Variants in PID1 observed in about 807,000 individuals in gnomAD.
PID1 encodes the protein phosphotyrosine interaction domain containing 1.
In PID1, 10 loss-of-function variants were observed where a neutral mutation model predicts 19.1. The observed-to-expected ratio is 0.52, with a 90% CI of 0.32 to 0.89. PID1 has a LOEUF of 0.89. Among genes scored for constraint, PID1 ranks in the 40% least tolerant of loss-of-function variants. The pLI, the probability that PID1 is intolerant of heterozygous loss-of-function variation, is 0.03. For missense variants in PID1, 248 were observed against 285.3 expected, an observed-to-expected ratio of 0.87 and a Z score of 0.94; for synonymous variants, 130 against 116.0, an observed-to-expected ratio of 1.12 and a Z score of -0.78.
At chr2:229,233,698 G>A (rs1452509343) in intron 1 of PID1, among the ~76,000 whole-genome samples, 1 of 151,998 alleles carries the variant, frequency 6.6e-6, no homozygotes, top group Non-Finnish European at 1.5e-5. Flanking sequence ...CACCATGTTG[G>A]CCAGGTTGGT....
intron 1 of PID1, among the ~76,000 whole-genome samples, chr2:229,269,056 T>C (rs1690666972): frequency 2.0e-5 from 3 of 152,196 alleles, no homozygotes; most frequent in African/African-American, 7.2e-5. Context: ...ACTTCTCTAA[T>C]CTCAAGGCTT....
chr2:229,155,242 G>C (rs964292516), intron 2 of PID1, among the ~76,000 whole-genome samples: 1 of 152,090 alleles, frequency 6.6e-6, no homozygotes, highest in African/African-American at 2.4e-5. Context: ...AAATCACAGA[G>C]AGAATACAAT....
At chr2:229,245,394 A>T (rs1689974483) in intron 1 of PID1, among the ~76,000 whole-genome samples, 1 of 152,130 alleles carries the variant, frequency 6.6e-6, no homozygotes, top group Non-Finnish European at 1.5e-5. Flanking sequence ...TGAAAAAGGC[A>T]ACTTGTATTG....
In PID1 at chr2:229,067,870, C is replaced by T. The variant is rs1411811579; in HGVS notation, c.178-41762G>A. Among the ~76,000 whole-genome samples, 4 of 152,210 alleles carry T rather than the reference C, an allele frequency of 2.6e-5. No individual in the cohort carries two copies. The East Asian group carries it at 7.7e-4, about 29-fold the overall frequency. On this transcript the variant is annotated intron_variant, in intron 2 of 2. Transcript: ENST00000392055. ...GCTTCTGGTCATGCTATTCCAGCTA[C>T]TGGAGCAGCCTGGTGCATTCTGTGC...
intron 1 of PID1, among the ~76,000 whole-genome samples, chr2:229,250,344 C>T (rs183076475): frequency 1.3e-5 from 2 of 152,248 alleles, no homozygotes; most frequent in Admixed American, 6.5e-5. Context: ...CAACACATGC[C>T]ATTGGACAAA....
intron 2 of PID1, among the ~76,000 whole-genome samples, chr2:229,037,719 T>C (rs1233003962): frequency 6.6e-6 from 1 of 152,182 alleles, no homozygotes; most frequent in East Asian, 1.9e-4. Context: ...CCTGGAGCTG[T>C]TCCACCCAGA....
intron 1 of PID1, among the ~76,000 whole-genome samples, chr2:229,198,100 G>A (rs546494419): frequency 6.6e-6 from 1 of 152,098 alleles, no homozygotes; most frequent in Non-Finnish European, 1.5e-5. Flanking sequence ...TTGGCACTTT[G>A]AGAAATCAGT....
intron 2 of PID1, among the ~76,000 whole-genome samples, chr2:229,148,402 A>G (rs1479205148): frequency 6.6e-6 from 1 of 152,210 alleles, no homozygotes; most frequent in Non-Finnish European, 1.5e-5. Flanking sequence ...CTACCCCTGG[A>G]GCCATATCCA....
At chr2:229,080,335 A>G (rs1400698933) in intron 2 of PID1, among the ~76,000 whole-genome samples, 1 of 152,052 alleles carries the variant, frequency 6.6e-6, no homozygotes, top group Non-Finnish European at 1.5e-5. Flanking sequence ...GCCCTAACAA[A>G]TCAGGTACCT....
At chr2:229,233,345 GTCA>G (rs1692256345) in intron 1 of PID1, among the ~76,000 whole-genome samples, 4 of 151,982 alleles carry the variant, frequency 2.6e-5, no homozygotes, top group African/African-American at 9.6e-5. Context: ...CAGCTGGCAT[GTCA>G]TCATAAGGTC....
At chr2:229,103,317 T>A (rs150223508) in intron 2 of PID1, among the ~76,000 whole-genome samples, 1 of 152,080 alleles carries the variant, frequency 6.6e-6, no homozygotes, top group Admixed American at 6.6e-5. Flanking sequence ...CACAGACACA[T>A]GGTCCATACT....
intron 1 of PID1, among the ~76,000 whole-genome samples, chr2:229,179,523 A>G (rs908317204): frequency 2.6e-5 from 4 of 152,352 alleles, no homozygotes; most frequent in Admixed American, 6.5e-5. Flanking sequence ...AGTTTTAAGT[A>G]AAAGATGCCC....
chr2:229,139,678 T>C (rs1186866688), intron 2 of PID1, among the ~76,000 whole-genome samples: 1 of 152,140 alleles, frequency 6.6e-6, no homozygotes, highest in Non-Finnish European at 1.5e-5. Context: ...TGGCTGCTAG[T>C]TGTCAATAAA....
intron 1 of PID1, among the ~76,000 whole-genome samples, chr2:229,157,286 C>G (rs750016109): frequency 1.3e-5 from 2 of 151,932 alleles, no homozygotes; most frequent in African/African-American, 2.4e-5. Context: ...AAAAATTAGC[C>G]GGGCGTGATG....
chr2:229,051,557 C>T (rs1315255889), intron 2 of PID1, among the ~76,000 whole-genome samples: 1 of 152,084 alleles, frequency 6.6e-6, no homozygotes. Flanking sequence ...AGGCTGGTCT[C>T]GAACTCCAGA....
chr2:229,255,614 T>C (rs1690271624), intron 1 of PID1, among the ~76,000 whole-genome samples: 1 of 152,206 alleles, frequency 6.6e-6, no homozygotes, highest in African/African-American at 2.4e-5. Flanking sequence ...TTTTTGGAAG[T>C]AATCTCTTCC....
intron 2 of PID1, among the ~76,000 whole-genome samples, chr2:229,149,312 A>G (rs1690199339): frequency 6.6e-6 from 1 of 152,204 alleles, no homozygotes; most frequent in Non-Finnish European, 1.5e-5. Flanking sequence ...ATTTCAAGTT[A>G]AATACATAAT....
At chr2:229,028,292 T>C (rs1462371688) in intron 2 of PID1, among the ~76,000 whole-genome samples, 2 of 152,228 alleles carry the variant, frequency 1.3e-5, no homozygotes, top group Non-Finnish European at 2.9e-5. Flanking sequence ...CTTATACACA[T>C]AGCCATTAGT....
chr2:229,190,732 G>GT (rs1691243341), intron 1 of PID1, among the ~76,000 whole-genome samples: 1 of 152,060 alleles, frequency 6.6e-6, no homozygotes, highest in Admixed American at 6.5e-5. Flanking sequence ...CTCTTCTTGG[G>GT]TTTTTTCTTT....
Sources: allele counts gnomAD v4.1 joint callset (sites outside exome capture counted in the v4.1 genomes callset), GRCh38; gene constraint gnomAD v4.1.1; transcripts MANE v1.5; gene names NCBI Gene and HGNC (gene_info 2026-07-23, HGNC 2026-07-21).